Variants in CCND3 observed in about 807,000 individuals in gnomAD.
CCND3 encodes cyclin D3, also known as G1/S-specific cyclin-D3.
In CCND3, 9 loss-of-function variants were observed where a neutral mutation model predicts 28.7. The observed-to-expected ratio is 0.31, with a 90% confidence interval of 0.19 to 0.55. The LOEUF (loss-of-function observed/expected upper bound fraction) is 0.55. Ranked by LOEUF, CCND3 falls within the 20% of genes least tolerant of loss-of-function variation. The probability of loss-of-function intolerance (pLI) is 0.93; values close to 1 mark genes in which losing one functional copy is unlikely to be tolerated. For missense variants in CCND3, 315 were observed against 385.8 expected, an observed-to-expected ratio of 0.82 and a Z score of 1.54; for synonymous variants, 164 against 163.9, an observed-to-expected ratio of 1.00 and a Z score of 0.00.
At chr6:42,049,986 G>T (rs192292012), upstream of CCND3, 1 of 152,558 alleles carries the variant, frequency 6.6e-6, no homozygotes, top group Admixed American at 6.5e-5. Flanking sequence ...TATAAGAACC[G>T]ATTTTCATAT....
chr6:41,961,403 C>T (rs1038008064), intron 1 of CCND3, among the ~76,000 whole-genome samples: 2 of 151,930 alleles, frequency 1.3e-5, no homozygotes, highest in Non-Finnish European at 2.9e-5. Flanking sequence ...CTTATCTCTA[C>T]TAAAAATACA....
intron 1 of CCND3, among the ~76,000 whole-genome samples, chr6:41,962,498 T>G (rs997928546): frequency 2.6e-5 from 4 of 152,154 alleles, no homozygotes; most frequent in African/African-American, 9.7e-5. Flanking sequence ...ACACCTGTAA[T>G]CCCAGCACTT....
chr6:41,986,437 CTTT>C (rs1171634765), intron 1 of CCND3, among the ~76,000 whole-genome samples: 1 of 151,850 alleles, frequency 6.6e-6, no homozygotes, highest in Non-Finnish European at 1.5e-5. Flanking sequence ...TTTGTGTCTT[CTTT>C]AATTTATTTC....
At chr6:41,982,461 C>G (rs1392431258) in intron 1 of CCND3, among the ~76,000 whole-genome samples, 5 of 152,084 alleles carry the variant, frequency 3.3e-5, no homozygotes, top group Admixed American at 2.0e-4. Context: ...AAGCAGAACT[C>G]AATCAATAGA....
At chr6:41,957,998 A>ATTT (rs751569360) in intron 1 of CCND3, among the ~76,000 whole-genome samples, 1 of 26,270 alleles carries the variant, frequency 3.8e-5, no homozygotes, top group Non-Finnish European at 8.8e-5. Flanking sequence ...CTTTATCTTT[A>ATTT]TCTTTTTTTT....
intron 1 of CCND3, among the ~76,000 whole-genome samples, chr6:42,032,231 AC>A (rs1019148466): frequency 2.4e-4 from 37 of 152,272 alleles, no homozygotes; most frequent in African/African-American, 8.7e-4. Context: ...GACTGCAGAC[AC>A]ATGCCACCAC....
At chr6:41,950,634 C>G (rs936974526) in intron 1 of CCND3, among the ~76,000 whole-genome samples, 2 of 152,058 alleles carry the variant, frequency 1.3e-5, no homozygotes, top group Non-Finnish European at 2.9e-5. Flanking sequence ...CATGTGCCTT[C>G]CATACATCAG....
intron 1 of CCND3, among the ~76,000 whole-genome samples, chr6:42,040,483 C>T (rs567349721): frequency 1.3e-5 from 2 of 152,062 alleles, no homozygotes; most frequent in African/African-American, 4.8e-5. Context: ...TTTCAGCCAC[C>T]AGGCTCTCAA....
intron 1 of CCND3, among the ~76,000 whole-genome samples, chr6:41,975,602 C>G (rs1762155921): frequency 6.6e-6 from 1 of 152,000 alleles, no homozygotes; most frequent in Admixed American, 6.6e-5. Context: ...GTGGGGAATC[C>G]CAAGGGGACT....
Position 41,936,208 on chromosome 6 carries a change from G to C in CCND3, c.712-101C>G, listed in dbSNP as rs999610686. 3.5e-5 allele frequency: 47 copies of C among 1,329,792 alleles called. No individual in the cohort carries two copies. The highest frequency in any genetic ancestry group is 4.4e-5 in the Non-Finnish European group (43 of 979,010). 82.4% of individuals were successfully genotyped at this position (1,329,792 alleles called of 1,614,324 possible). On this transcript the variant is annotated intron_variant, in intron 4 of 4. Coordinates refer to ENST00000372991, the MANE Select transcript of CCND3 (RefSeq NM_001760.5). This position sits in a 1 kb window ranked among gnomAD's most constrained non-coding sequence, Gnocchi z 4.4. ...CTCCCAACACATGGGGAAGTCTGGG[G>C]AGGTTAGGCCACAGCCCGGCCCCAG...
Position 41,935,989 on chromosome 6 carries a change from C to T in CCND3, c.830G>A (p.Gly277Glu), listed in dbSNP as rs1330206171. ...PKAPRGSSSQ[G>E]PSQTSTPTDV... ...TGTAGGAGTGCTGGTCTGGCTGGGC[C>T]CTTGGCTGCTGGAGCCCCGGGGGGC... is the stretch of plus-strand genomic sequence containing the variant. Residue 277 changes from glycine to glutamate, a missense_variant, in exon 5 of 5, where the codon GGG becomes GAG. Coordinates refer to ENST00000372991, the MANE Select transcript of CCND3 (RefSeq NM_001760.5). 4.3e-6 allele frequency: 7 copies of T among 1,613,282 alleles called. No individual in the cohort carries two copies. The highest frequency in any genetic ancestry group is 5.9e-6 in the Non-Finnish European group (7 of 1,179,792).
intron 1 of CCND3, among the ~76,000 whole-genome samples, chr6:42,038,412 T>C (rs1424803088): frequency 6.6e-6 from 1 of 151,970 alleles, no homozygotes; most frequent in African/African-American, 2.4e-5. Flanking sequence ...TGGTGGCTTG[T>C]GCCTGTGGTC....
chr6:41,940,896 C>G (rs947668354), intron 1 of CCND3: 15 of 1,502,872 alleles, frequency 1.0e-5, no homozygotes, highest in Non-Finnish European at 1.2e-5. Context: ...CAAGGGTCAC[C>G]CATGGTAGCC....
At chr6:41,940,012 T>G (rs928546125) in intron 2 of CCND3, among the ~76,000 whole-genome samples, 1 of 152,098 alleles carries the variant, frequency 6.6e-6, no homozygotes, top group Non-Finnish European at 1.5e-5. Context: ...GGCATGCCCT[T>G]CTGCTGCCAA....
intron 1 of CCND3, among the ~76,000 whole-genome samples, chr6:42,024,041 C>T (rs1309110895): frequency 6.6e-6 from 1 of 152,096 alleles, no homozygotes; most frequent in Non-Finnish European, 1.5e-5. Context: ...CTCCTAATAG[C>T]CCTGTAAGGT....
Position 41,938,484 on chromosome 6 carries a change from G to A in CCND3, c.415-1090C>T, listed in dbSNP as rs930711490. Among the ~76,000 whole-genome samples the A allele has an allele frequency of 7.2e-5, 11 of 152,088 alleles. No homozygotes were observed. Among genetic ancestry groups the A allele is most frequent in the Non-Finnish European group, 1.2e-4 (8 of 68,020 alleles). Reference sequence around the variant, plus strand: ...AGAAGTGAGACAGATAAATTACAACGCTACCCCTAGTGCATGTCCCAGGAG... The same window carrying A: ...AGAAGTGAGACAGATAAATTACAACACTACCCCTAGTGCATGTCCCAGGAG... On this transcript the variant is annotated intron_variant, in intron 2 of 4. Transcript: ENST00000372991. The surrounding 1 kb of genome is among the most constrained non-coding windows in gnomAD (Gnocchi z 4.6).
At chr6:41,951,153 G>T (rs941577974) in intron 1 of CCND3, among the ~76,000 whole-genome samples, 1 of 152,110 alleles carries the variant, frequency 6.6e-6, no homozygotes, top group African/African-American at 2.4e-5. Context: ...TGGTTTGTGT[G>T]ACAGGAAGGG....
intron 1 of CCND3, among the ~76,000 whole-genome samples, chr6:41,982,273 C>CAAAA: frequency 7.4e-6 from 1 of 135,072 alleles, no homozygotes; most frequent in Non-Finnish European, 1.6e-5. Context: ...GACTCCATCT[C>CAAAA]AAAAAAAAAA....
intron 1 of CCND3, among the ~76,000 whole-genome samples, chr6:41,989,118 A>T (rs140891712): frequency 4.7e-4 from 71 of 151,570 alleles, no homozygotes; most frequent in African/African-American, 1.2e-3. Context: ...TTGATAAAGG[A>T]TTGTTATTCG....
Sources: allele counts gnomAD v4.1 joint callset (sites outside exome capture counted in the v4.1 genomes callset), GRCh38; gene constraint gnomAD v4.1.1; non-coding constraint Gnocchi (gnomAD v3.1); transcripts MANE v1.5; gene names NCBI Gene and HGNC (gene_info 2026-07-23, HGNC 2026-07-21).